Variants in SFI1 observed in about 807,000 individuals in gnomAD.
The protein encoded by SFI1 is SFI1 centrin binding protein, also known as protein SFI1 homolog.
Under a neutral mutation model 207.5 loss-of-function variants are expected in SFI1, and 195 were observed. That is an observed-to-expected ratio of 0.94 (90% CI 0.84 to 1.06). The LOEUF (loss-of-function observed/expected upper bound fraction) is 1.06, where lower values mean the gene tolerates loss of function less well. SFI1 is among the 50% of genes least tolerant of loss of function. The pLI, the probability that SFI1 is intolerant of heterozygous loss-of-function variation, is 0.00. For missense variants in SFI1, 1,634 were observed against 1,588.0 expected (o/e 1.03, Z -0.49); for synonymous variants, 630 against 598.9 (o/e 1.05, Z -0.76).
intron 12 of SFI1, among the ~76,000 whole-genome samples, chr22:31,582,226 ATATATATATATTTTTTTTTTTTTTT>A (rs2064361701): frequency 2.9e-5 from 1 of 34,274 alleles, no homozygotes; most frequent in South Asian, 1.5e-3. Flanking sequence ...ATATATATAT[ATATATATATATTTTTTTTTTTTTTT>A]TTTTTTTTTT....
intron 15 of SFI1, among the ~76,000 whole-genome samples, chr22:31,598,038 C>T (rs1166121685): frequency 2.7e-5 from 4 of 150,666 alleles, no homozygotes; most frequent in South Asian, 2.1e-4. Flanking sequence ...AGTGCAGTGG[C>T]GTGATCTTGG....
At chr22:31,549,532 T>C (rs2060436036) in intron 5 of SFI1, among the ~76,000 whole-genome samples, 1 of 151,646 alleles carries the variant, frequency 6.6e-6, no homozygotes. Context: ...GAGTGGCTAA[T>C]TTTTATATTT....
chr22:31,508,613 C>T (rs2055019982), intron 2 of SFI1, among the ~76,000 whole-genome samples: 1 of 152,122 alleles, frequency 6.6e-6, no homozygotes, highest in Non-Finnish European at 1.5e-5. Flanking sequence ...AAATTTGATT[C>T]TGAGCAGAAG....
At chr22:31,521,774 CT>C (rs555681918) in intron 2 of SFI1, among the ~76,000 whole-genome samples, 2 of 149,468 alleles carry the variant, frequency 1.3e-5, no homozygotes, top group South Asian at 2.1e-4. Context: ...CTTTTTTTTT[CT>C]TTTTTTTTGA....
At chr22:31,561,835 C>G (rs1277645702) in intron 8 of SFI1, among the ~76,000 whole-genome samples, 1 of 152,002 alleles carries the variant, frequency 6.6e-6, no homozygotes, top group Non-Finnish European at 1.5e-5. Context: ...CTTTTTTTGT[C>G]AATCATAAAT....
At chr22:31,614,942 CTG>C (rs2071134879) in intron 28 of SFI1, 82 bp downstream of exon 28, 1 of 1,581,712 alleles carries the variant, frequency 6.3e-7, no homozygotes, top group African/African-American at 1.3e-5. Flanking sequence ...CATGTGGGGC[CTG>C]TGTTTTGGCA....
intron 4 of SFI1, among the ~76,000 whole-genome samples, chr22:31,540,344 C>T (rs574833032): frequency 2.0e-5 from 3 of 151,206 alleles, no homozygotes; most frequent in Admixed American, 6.6e-5. Flanking sequence ...AGTGCAGTGG[C>T]GCAATTGACT....
rs1361799934 is a variant in SFI1 at position 31,602,652 on chromosome 22, A to C, written c.1672A>C (p.Met558Leu). 1 of 1,614,156 alleles carries C rather than the reference A, an allele frequency of 6.2e-7. No individual in the cohort carries two copies. Among genetic ancestry groups the C allele is most frequent in the Non-Finnish European group, 8.5e-7 (1 of 1,180,040 alleles). ...ACAGCTTCTGTATAGGTCTTGGTTCATGTGGCACCAGCAGGCAGCAGCACG... is the reference window on the plus strand; with the variant it reads ...ACAGCTTCTGTATAGGTCTTGGTTCCTGTGGCACCAGCAGGCAGCAGCACG... ...ERQLLYRSWF[M>L]WHQQAAARHQ... Residue 558 changes from methionine (M) to leucine (L), a missense_variant, in exon 17 of 33, where the codon ATG becomes CTG. Coordinates refer to ENST00000400288, the MANE Select transcript of SFI1 (RefSeq NM_001007467.3).
chr22:31,510,860 G>T (rs1266107192), intron 2 of SFI1, among the ~76,000 whole-genome samples: 1 of 152,080 alleles, frequency 6.6e-6, no homozygotes, highest in East Asian at 1.9e-4. Context: ...ATTTATGAAG[G>T]GTCAGTGGTA....
chr22:31,602,833 T>G (rs763778619), intron 17 of SFI1, 48 bp downstream of exon 17: 1 of 1,587,458 alleles, frequency 6.3e-7, no homozygotes, highest in Admixed American at 1.7e-5. Context: ...CAGGCCAGCT[T>G]TGCTTGTTCT....
At chr22:31,554,320 A>T (rs1315973934) in intron 6 of SFI1, among the ~76,000 whole-genome samples, 3 of 149,394 alleles carry the variant, frequency 2.0e-5, no homozygotes, top group Admixed American at 1.3e-4. Context: ...TCTTTTTTTT[A>T]AATTTTGAGA....
intron 2 of SFI1, among the ~76,000 whole-genome samples, chr22:31,513,091 A>T (rs2055868407): frequency 6.6e-6 from 1 of 152,154 alleles, no homozygotes; most frequent in African/African-American, 2.4e-5. Flanking sequence ...GGCTGATGTT[A>T]TGATTTTTTA....
At chr22:31,548,860 AG>A (rs1160338861) in intron 5 of SFI1, among the ~76,000 whole-genome samples, 5 of 152,048 alleles carry the variant, frequency 3.3e-5, no homozygotes, top group Non-Finnish European at 5.9e-5. Context: ...ATTTAAAACT[AG>A]GAAAATATGA....
At position 31,575,085 on chromosome 22, in the gene SFI1, CGTGTGTGTGTGTGT is replaced by C. The variant is rs71679890; in HGVS notation, c.923-122_923-109del. On this transcript the variant is annotated intron_variant, in intron 9 of 32. Transcript: ENST00000400288. Reference sequence around the variant, plus strand: ...AAGAAAAAAAAAAAAAAACTTAGTGCGTGTGTGTGTGTGTGTGTGTGTGTGTGTGTGTGTGTGGC... The same window carrying C: ...AAGAAAAAAAAAAAAAAACTTAGTGCGTGTGTGTGTGTGTGTGTGTGTGGC... The C allele has an allele frequency of 1.5e-3, 416 of 285,572 alleles. 1 individual carries two copies. Among genetic ancestry groups the C allele is most frequent in the East Asian group, 2.2e-3 (41 of 18,812 alleles). The allele number at this position is 285,572 out of a possible 1,614,324, so 17.7% of individuals were successfully genotyped here.
At chr22:31,504,288 AAAT>A (rs1464983187) in intron 1 of SFI1, among the ~76,000 whole-genome samples, 3 of 152,192 alleles carry the variant, frequency 2.0e-5, no homozygotes, top group Admixed American at 6.6e-5. Context: ...TTATTTATAG[AAAT>A]AATCACTTAT....
In SFI1 at chr22:31,603,735, T is replaced by TC. The variant is rs758722722; in HGVS notation, c.1806-5dup. The TC allele has an allele frequency of 2.0e-6, 3 of 1,524,346 alleles. No individual in the cohort carries two copies. The highest frequency in any genetic ancestry group is 1.7e-6 in the Non-Finnish European group (2 of 1,148,476). The allele number at this position is 1,524,346 out of a possible 1,614,324, so 94.4% of individuals were successfully genotyped here. On this transcript the variant is annotated splice_polypyrimidine_tract_variant and intron_variant, in intron 17 of 32. Coordinates refer to ENST00000400288, the MANE Select transcript of SFI1 (RefSeq NM_001007467.3). ...GGCTGCAGCACTGAGCTCTGCCATC[T>TC]CCCCACAGGAGGACGGGCAGGGTGC...
At chr22:31,595,911 G>T (rs752116405) in intron 15 of SFI1, among the ~76,000 whole-genome samples, 1 of 152,182 alleles carries the variant, frequency 6.6e-6, no homozygotes, top group African/African-American at 2.4e-5. Flanking sequence ...GGACAGAGGG[G>T]TGAGATGGAG....
intron 1 of SFI1, among the ~76,000 whole-genome samples, chr22:31,498,207 A>G (rs1366007024): frequency 6.6e-6 from 1 of 152,166 alleles, no homozygotes; most frequent in Non-Finnish European, 1.5e-5. Flanking sequence ...AGGCAGGAGA[A>G]TCACTTGAAC....
rs2064656741 is a variant in SFI1, at chr22:31,583,765, C to CTAA, written c.1249-109_1249-107dup. The CTAA allele has an allele frequency of 3.3e-6, 3 of 911,488 alleles. No individual in the cohort carries two copies. The African/African-American group carries it at 4.9e-5, about 15-fold the overall frequency. 56.5% of individuals were successfully genotyped at this position (911,488 alleles called of 1,614,324 possible). A position where few individuals can be genotyped will look rare whatever the true frequency, so the allele number is the denominator to read the frequency against. ...TATGCCCACTGTATGTTGGCTGCTC[C>CTAA]TAACTGAGGTCATTTCTGCTTTGGG... On this transcript the variant is annotated intron_variant, in intron 12 of 32. Transcript: ENST00000400288.
Sources: allele counts gnomAD v4.1 joint callset (sites outside exome capture counted in the v4.1 genomes callset), GRCh38; gene constraint gnomAD v4.1.1; transcripts MANE v1.5; gene names NCBI Gene and HGNC (gene_info 2026-07-23, HGNC 2026-07-21).